The following SCAPER variants were observed in gnomAD, a reference collection of about 807,000 sequenced individuals.
SCAPER encodes S-phase cyclin A associated protein in the ER, also known as S phase cyclin A-associated protein in the endoplasmic reticulum.
Under a neutral mutation model 182.2 loss-of-function variants are expected in SCAPER, and 98 were observed. The ratio of observed to expected loss-of-function variants is 0.54; its 90% confidence interval spans 0.46 to 0.64. SCAPER has a LOEUF of 0.64. Ranked by LOEUF, SCAPER falls within the 30% of genes least tolerant of loss-of-function variation. The pLI is 0.00. For synonymous variants in SCAPER, 605 were observed against 564.6 expected, an observed-to-expected ratio of 1.07 and a Z score of -1.01; for missense variants, 1,432 against 1,690.0, an observed-to-expected ratio of 0.85 and a Z score of 2.68.
intron 14 of SCAPER, among the ~76,000 whole-genome samples, chr15:76,759,504 C>CA (rs1197029577): frequency 6.6e-6 from 1 of 152,108 alleles, no homozygotes; most frequent in African/African-American, 2.4e-5. Context: ...AGAGCAGAGG[C>CA]AATATAACCT....
At chr15:76,487,223 A>T (rs183457287) in intron 24 of SCAPER, among the ~76,000 whole-genome samples, 7 of 152,244 alleles carry the variant, frequency 4.6e-5, no homozygotes, top group African/African-American at 7.2e-5. Flanking sequence ...AGGAAAAAAA[A>T]CTAATGGGTA....
chr15:76,798,025 A>T (rs1452334807), intron 7 of SCAPER, among the ~76,000 whole-genome samples: 1 of 152,092 alleles, frequency 6.6e-6, no homozygotes, highest in African/African-American at 2.4e-5. Flanking sequence ...CATTGGGCTT[A>T]CTAGACAAAG....
chr15:76,448,529 G>A (rs563309818), intron 25 of SCAPER, among the ~76,000 whole-genome samples: 15 of 152,128 alleles, frequency 9.9e-5, no homozygotes, highest in African/African-American at 2.9e-4. Flanking sequence ...TGGGACCATC[G>A]GTGTATGAGA....
intron 21 of SCAPER, among the ~76,000 whole-genome samples, chr15:76,660,957 C>T (rs62026901): frequency 0.05 from 7,662 of 151,764 alleles, 273 homozygotes; most frequent in Middle Eastern, 0.096. Flanking sequence ...AACAAAATAA[C>T]GTTTTAAATG....
At chr15:76,867,966 C>T (rs1166596936) in intron 2 of SCAPER, among the ~76,000 whole-genome samples, 1 of 151,986 alleles carries the variant, frequency 6.6e-6, no homozygotes, top group Non-Finnish European at 1.5e-5. Flanking sequence ...TATGTTCTCT[C>T]CCTCAATTCC....
chr15:76,877,368 G>T (rs749218521), intron 2 of SCAPER, among the ~76,000 whole-genome samples: 4 of 152,164 alleles, frequency 2.6e-5, no homozygotes, highest in Non-Finnish European at 4.4e-5. Context: ...TTTCCTCACA[G>T]ATCTTTAACT....
At chr15:76,765,253 G>T in intron 13 of SCAPER, 84 bp downstream of exon 13, 1 of 1,149,048 alleles carries the variant, frequency 8.7e-7, no homozygotes, top group Non-Finnish European at 1.2e-6. Context: ...GTCCAAAAAT[G>T]CCACGTAGCA....
intron 5 of SCAPER, among the ~76,000 whole-genome samples, chr15:76,817,027 C>T (rs1166318742): frequency 6.6e-6 from 1 of 152,186 alleles, no homozygotes; most frequent in Non-Finnish European, 1.5e-5. Context: ...TACTTCCATG[C>T]AACTGGTAGC....
intron 1 of SCAPER, among the ~76,000 whole-genome samples, chr15:76,885,268 C>G (rs1353535008): frequency 6.6e-6 from 1 of 152,178 alleles, no homozygotes; most frequent in Non-Finnish European, 1.5e-5. Context: ...AAAGTCCTCA[C>G]AGTAGGTTAT....
chr15:76,489,088 T>G lies in SCAPER; in HGVS notation c.2954+15771A>C, dbSNP rs370234706. 9.3e-5 allele frequency among the ~76,000 whole-genome samples: 14 copies of G among 150,400 alleles called. No individual in the cohort carries two copies. The East Asian group carries it at 2.7e-3, about 29-fold the overall frequency. On this transcript the variant is annotated intron_variant, in intron 24 of 31. Transcript: ENST00000563290. Reference sequence around the variant, plus strand: ...GAAGTTCTTGGCACATATATTCTTTTTGAGAGTATTAAAAATGTTACTCAA... The same window carrying G: ...GAAGTTCTTGGCACATATATTCTTTGTGAGAGTATTAAAAATGTTACTCAA...
chr15:76,562,544 A>C (rs1460129179), intron 23 of SCAPER, among the ~76,000 whole-genome samples: 1 of 152,200 alleles, frequency 6.6e-6, no homozygotes, highest in Non-Finnish European at 1.5e-5. Flanking sequence ...CTGCCAAAAA[A>C]CAAATGTACA....
At chr15:76,621,626 A>C in intron 22 of SCAPER, 138 bp downstream of exon 22, 1 of 714,720 alleles carries the variant, frequency 1.4e-6, no homozygotes, top group Non-Finnish European at 2.3e-6. Context: ...CTCTAGTTGG[A>C]TACTACTGTG....
chr15:76,455,613 T>TA, intron 25 of SCAPER, among the ~76,000 whole-genome samples: 1 of 152,332 alleles, frequency 6.6e-6, no homozygotes, highest in Non-Finnish European at 1.5e-5. Flanking sequence ...AAGCTGGAAT[T>TA]ATAGATGTAC....
chr15:76,739,672 T>G (rs970389510), intron 15 of SCAPER, among the ~76,000 whole-genome samples: 7 of 152,220 alleles, frequency 4.6e-5, no homozygotes, highest in Non-Finnish European at 8.8e-5. Context: ...TTCTAGATTT[T>G]CCATTTCCTA....
chr15:76,731,108 T>C (rs1361667269), intron 16 of SCAPER, among the ~76,000 whole-genome samples: 1 of 152,190 alleles, frequency 6.6e-6, no homozygotes, highest in African/African-American at 2.4e-5. Flanking sequence ...TTTCTAAATA[T>C]CTGTTTAATA....
intron 22 of SCAPER, among the ~76,000 whole-genome samples, chr15:76,611,109 C>T (rs764540504): frequency 1.3e-5 from 2 of 152,064 alleles, no homozygotes; most frequent in Admixed American, 6.6e-5. Context: ...AATAAGCCCA[C>T]ACATTCACAG....
At chr15:76,472,257 A>C in intron 24 of SCAPER, 1 of 568,676 alleles carries the variant, frequency 1.8e-6, no homozygotes, top group Admixed American at 1.9e-5. Flanking sequence ...GGTACCCAAA[A>C]AGAAAAAGGA....
intron 21 of SCAPER, among the ~76,000 whole-genome samples, chr15:76,662,936 C>T (rs1270079795): frequency 6.6e-6 from 1 of 151,614 alleles, no homozygotes; most frequent in Non-Finnish European, 1.5e-5. Flanking sequence ...AAGCACTAGA[C>T]ATAAAAGAAA....
chr15:76,792,467 T>C (rs907992678), intron 8 of SCAPER, among the ~76,000 whole-genome samples: 4 of 152,142 alleles, frequency 2.6e-5, no homozygotes, highest in South Asian at 2.1e-4. Flanking sequence ...GCCACTCCCA[T>C]TGTTGAGTGG....
Sources: gnomAD v4.1 joint callset for allele counts (sites outside exome capture counted in the v4.1 genomes callset) on GRCh38, gnomAD v4.1.1 for gene constraint, MANE v1.5 for transcripts, NCBI Gene and HGNC (gene_info 2026-07-23, HGNC 2026-07-21) for gene names.